LARP1B: variants seen among roughly 807,000 people sequenced by gnomAD.
The protein encoded by LARP1B is la-related protein 1B.
LARP1B carries 76 observed loss-of-function variants against 114.2 expected under a neutral mutation model. The ratio of observed to expected loss-of-function variants is 0.67; its 90% CI spans 0.55 to 0.81. The LOEUF is 0.81. Among genes scored for constraint, LARP1B ranks in the 30% least tolerant of loss-of-function variants. The pLI, the probability that LARP1B is intolerant of heterozygous loss-of-function variation, is 0.00. For missense variants in LARP1B, 1,014 were observed against 1,075.8 expected, an observed-to-expected ratio of 0.94 and a Z score of 0.80; for synonymous variants, 345 against 348.0, an observed-to-expected ratio of 0.99 and a Z score of 0.10.
chr4:128,139,158 TAAAG>T (rs939340138), intron 11 of LARP1B, among the ~76,000 whole-genome samples: 40 of 151,726 alleles, frequency 2.6e-4, no homozygotes, highest in African/African-American at 9.4e-4. Context: ...TAGAAGAAAA[TAAAG>T]AAAAATATTT....
In LARP1B at chr4:128,136,320, AC is replaced by A. The variant is rs201097689; in HGVS notation, c.1524+14133del. On this transcript the variant is annotated intron_variant, in intron 11 of 19. Transcript: ENST00000326639. Reference sequence around the variant, plus strand: ...AAAACAAATAACAGTCTCAAGAAAAACAAAAAAACAAAAAAACAAAACAAAA... The same window carrying A: ...AAAACAAATAACAGTCTCAAGAAAAAAAAAAAACAAAAAAACAAAACAAAA... Among the ~76,000 whole-genome samples the A allele has an allele frequency of 7.2e-3, 979 of 136,002 alleles. 11 individuals carry two copies. Among genetic ancestry groups the A allele is most frequent in the African/African-American group, 0.022 (823 of 37,476 alleles). The allele number at this position is 136,002 out of a possible 152,430, so 89.2% of individuals were successfully genotyped here.
At chr4:128,195,389 G>A (rs565099536) in intron 15 of LARP1B, among the ~76,000 whole-genome samples, 4 of 152,120 alleles carry the variant, frequency 2.6e-5, no homozygotes, top group Admixed American at 1.3e-4. Flanking sequence ...CTATTTGTTA[G>A]TCTTCATTTT....
intron 11 of LARP1B, among the ~76,000 whole-genome samples, chr4:128,157,321 T>A (rs1736271411): frequency 6.6e-6 from 1 of 151,954 alleles, no homozygotes; most frequent in Middle Eastern, 3.4e-3. Context: ...AAATCCAGAG[T>A]GAAGCATTGA....
At chr4:128,157,972 A>C (rs1015092881) in intron 11 of LARP1B, among the ~76,000 whole-genome samples, 2 of 152,180 alleles carry the variant, frequency 1.3e-5, no homozygotes, top group African/African-American at 2.4e-5. Flanking sequence ...ATATGTGTAT[A>C]TATTTAAATA....
chr4:128,073,570 T>C (rs1320557056), intron 1 of LARP1B, among the ~76,000 whole-genome samples: 1 of 130,070 alleles, frequency 7.7e-6, no homozygotes, highest in African/African-American at 2.8e-5. Flanking sequence ...TATATTGTTG[T>C]CGTTTTTTTT....
At chr4:128,066,321 C>T (rs1414529135) in intron 1 of LARP1B, among the ~76,000 whole-genome samples, 4 of 151,302 alleles carry the variant, frequency 2.6e-5, no homozygotes, top group Admixed American at 6.6e-5. Flanking sequence ...GGACTACAGG[C>T]GCCTGCCACC....
Position 128,211,705 on chromosome 4 carries a change from T to C in LARP1B, c.*1652T>C. ...TGCTTATTAGCTTTAAATGGTCTCT[T>C]GAAATGATCATAAATTTTTCTCAGT... On this transcript the variant is annotated 3_prime_UTR_variant, in exon 20 of 20. Coordinates refer to ENST00000326639, the MANE Select transcript of LARP1B (RefSeq NM_018078.4). 1.0e-6 allele frequency: 1 copy of C among 985,216 alleles called. No homozygotes were observed. Among genetic ancestry groups the C allele is most frequent in the Non-Finnish European group, 1.2e-6 (1 of 829,754 alleles). The allele number at this position is 985,216 out of a possible 1,614,324, so 61.0% of individuals were successfully genotyped here.
chr4:128,175,059 GATTTGTTGAAGAAACTGGTTA>G (rs1227515345), intron 12 of LARP1B, among the ~76,000 whole-genome samples: 1 of 152,062 alleles, frequency 6.6e-6, no homozygotes, highest in Non-Finnish European at 1.5e-5. Context: ...CCATGACAAT[GATTTGTTGAAGAAACTGGTTA>G]ATTTGTTGAA....
chr4:128,120,061 T>C (rs1787372205), intron 10 of LARP1B, among the ~76,000 whole-genome samples: 1 of 152,198 alleles, frequency 6.6e-6, no homozygotes, highest in Admixed American at 6.5e-5. Flanking sequence ...TCACAGTGTT[T>C]TACAACTTGT....
chr4:128,065,277 C>A lies in LARP1B; in HGVS notation c.-78+3876C>A, dbSNP rs1271355732. 2.7e-3 allele frequency among the ~76,000 whole-genome samples: 343 copies of A among 125,872 alleles called. 3 individuals carry two copies. The highest frequency in any genetic ancestry group is 0.01 in the African/African-American group (332 of 32,764). The allele number at this position is 125,872 out of a possible 152,430, so 82.6% of individuals were successfully genotyped here. The stretch of plus-strand genomic sequence containing the variant: ...AATTTCTTTCTTTCTTTCTTTCTTT[C>A]TTTCTTTCTTTCTTTCTTTCTTTCT... On this transcript the variant is annotated intron_variant, in intron 1 of 19. Transcript: ENST00000326639.
At chr4:128,111,898 C>G (rs1291856185) in intron 9 of LARP1B, among the ~76,000 whole-genome samples, 1 of 151,298 alleles carries the variant, frequency 6.6e-6, no homozygotes, top group East Asian at 1.9e-4. Flanking sequence ...ACCAGTTGGC[C>G]AGGCTGGTCT....
intron 15 of LARP1B, among the ~76,000 whole-genome samples, chr4:128,198,857 AATTTGAATTTAGGTCTAT>A (rs2150875569): frequency 6.6e-6 from 1 of 152,360 alleles, no homozygotes; most frequent in East Asian, 1.9e-4. Context: ...GGAAGGTCTA[AATTTGAATTTAGGTCTAT>A]ATTTGAATTT....
chr4:128,108,877 T>A, intron 9 of LARP1B: 2 of 961,826 alleles, frequency 2.1e-6, no homozygotes, highest in South Asian at 4.8e-5. Flanking sequence ...TTATGCATAC[T>A]AATAAAATTA....
At position 128,077,879 on chromosome 4, in the gene LARP1B, A is replaced by G. The variant is rs543669144; in HGVS notation, c.134A>G (p.Lys45Arg). 1 of 1,613,700 alleles carries G rather than the reference A, an allele frequency of 6.2e-7. No homozygotes were observed. The highest frequency in any genetic ancestry group is 2.2e-5 in the East Asian group (1 of 44,860). The change falls in exon 4 of 20, where the codon AAA becomes AGA. Residue 45 changes from lysine to arginine, a missense_variant. By Grantham distance (26) the Lys-to-Arg change is conservative. Coordinates refer to ENST00000326639, the MANE Select transcript of LARP1B (RefSeq NM_018078.4). ...KVEKRSNSDSKENRETKLNGP... is the reference protein window; with the variant it reads ...KVEKRSNSDSRENRETKLNGP... ...GAAAAGAGAAGTAACAGTGACAGCA[A>G]AGAAAACCGGGAAACAAAATTAAAT... is the stretch of plus-strand genomic sequence containing the variant.
intron 5 of LARP1B, among the ~76,000 whole-genome samples, chr4:128,088,065 A>G (rs1392294514): frequency 1.3e-5 from 2 of 150,862 alleles, no homozygotes; most frequent in Non-Finnish European, 3.0e-5. Flanking sequence ...GGTGGCACTC[A>G]CCTGTAGTCC....
intron 1 of LARP1B, among the ~76,000 whole-genome samples, chr4:128,065,676 A>T (rs2149286127): frequency 6.6e-6 from 1 of 152,128 alleles, no homozygotes; most frequent in Non-Finnish European, 1.5e-5. Context: ...TTCTGGCAAG[A>T]TTTCTGGGCA....
chr4:128,065,936 A>G (rs1183695393), intron 1 of LARP1B, among the ~76,000 whole-genome samples: 1 of 152,022 alleles, frequency 6.6e-6, no homozygotes, highest in African/African-American at 2.4e-5. Flanking sequence ...CTGCCTTGGC[A>G]TCCCAAGTAG....
intron 12 of LARP1B, among the ~76,000 whole-genome samples, chr4:128,166,970 C>CTCTCTATA (rs1189451874): frequency 5.1e-5 from 4 of 77,806 alleles, no homozygotes; most frequent in African/African-American, 2.1e-4. Context: ...CTCTCTCTCT[C>CTCTCTATA]TATATATATA....
chr4:128,112,416 C>T (rs1580557483), intron 9 of LARP1B, among the ~76,000 whole-genome samples: 1 of 147,896 alleles, frequency 6.8e-6, no homozygotes, highest in Non-Finnish European at 1.5e-5. Context: ...TGTTTCAGGA[C>T]TAGCCACATT....
Sources: allele counts gnomAD v4.1 joint callset (sites outside exome capture counted in the v4.1 genomes callset), GRCh38; gene constraint gnomAD v4.1.1; transcripts MANE v1.5; gene names NCBI Gene and HGNC (gene_info 2026-07-23, HGNC 2026-07-21).